Variants in CRACD observed in about 807,000 individuals in gnomAD.
CRACD encodes capping protein-inhibiting regulator of actin dynamics.
A neutral mutation model predicts 106.8 loss-of-function variants in CRACD; 56 were observed. The ratio of observed to expected loss-of-function variants is 0.52; its 90% CI spans 0.42 to 0.66. CRACD has a LOEUF of 0.66. Ranked by LOEUF, CRACD falls within the 30% of genes least tolerant of loss-of-function variation. CRACD has a pLI of 0.00. For missense variants in CRACD, 1,730 were observed against 1,623.2 expected (o/e 1.07, Z -1.13); for synonymous variants, 754 against 670.8 (o/e 1.12, Z -1.92).
chr4:56,293,576 T>C (rs1743820220), intron 3 of CRACD, among the ~76,000 whole-genome samples: 3 of 152,336 alleles, frequency 2.0e-5, no homozygotes, highest in South Asian at 2.1e-4. Context: ...GGAAGCATAG[T>C]GGCTTCCACT....
At chr4:56,252,487 T>G (rs1371410998) in intron 2 of CRACD, among the ~76,000 whole-genome samples, 1 of 152,212 alleles carries the variant, frequency 6.6e-6, no homozygotes, top group African/African-American at 2.4e-5. Flanking sequence ...AGAATTTCTG[T>G]GCTGTGCCAG....
At chr4:56,131,861 T>C (rs1449546944) in intron 1 of CRACD, among the ~76,000 whole-genome samples, 1 of 152,094 alleles carries the variant, frequency 6.6e-6, no homozygotes, top group African/African-American at 2.4e-5. Context: ...AAATAGTATA[T>C]ATAACAAATA....
chr4:56,102,700 C>T (rs1014898008), intron 1 of CRACD, among the ~76,000 whole-genome samples: 13 of 152,192 alleles, frequency 8.5e-5, no homozygotes, highest in Admixed American at 2.0e-4. Flanking sequence ...CTGGGTTTCC[C>T]GTTGCCTGTA....
At chr4:56,218,434 TCCCTTTCCA>T (rs1738837991) in intron 2 of CRACD, among the ~76,000 whole-genome samples, 2 of 86,636 alleles carry the variant, frequency 2.3e-5, no homozygotes, top group Non-Finnish European at 5.7e-5. Flanking sequence ...TCCCTTCCCC[TCCCTTTCCA>T]TCCCCTCCCT....
intron 1 of CRACD, among the ~76,000 whole-genome samples, chr4:56,135,343 C>T (rs1467684161): frequency 6.6e-6 from 1 of 152,182 alleles, no homozygotes; most frequent in East Asian, 1.9e-4. Flanking sequence ...CATGTGACAA[C>T]TCAAGCAGTT....
chr4:56,315,719 C>T lies in CRACD; in HGVS notation c.2217C>T (p.Ser739=), dbSNP rs534883625. 2.8e-5 allele frequency: 46 copies of T among 1,614,208 alleles called. No homozygotes were observed. In the East Asian group the frequency reaches 9.8e-4, roughly 34 times the overall value. ...SDGGTETSKQ[S]TEAESIRKRP... is the part of the protein sequence containing the mutation. ...GTGGCACGGAGACCTCCAAACAGAG[C>T]ACGGAAGCTGAAAGCATACGAAAAA... Residue 739 remains serine (S), a synonymous_variant, in exon 8 of 11, where the codon AGC becomes AGT. Coordinates refer to ENST00000682029, the MANE Select transcript of CRACD (RefSeq NM_001393381.1). The surrounding 1 kb of genome is among the most constrained non-coding windows in gnomAD (Gnocchi z 4.1).
chr4:56,324,404 A>C (rs1465582185), intron 10 of CRACD, 138 bp downstream of exon 10: 5 of 758,810 alleles, frequency 6.6e-6, no homozygotes, highest in Non-Finnish European at 1.0e-5. Context: ...CCTCATTCAT[A>C]AACGTTGACA....
At chr4:56,091,225 A>G (rs2084308100) in intron 1 of CRACD, among the ~76,000 whole-genome samples, 1 of 151,926 alleles carries the variant, frequency 6.6e-6, no homozygotes, top group South Asian at 2.1e-4. Flanking sequence ...TTTTATTTTT[A>G]GTAGAGACGA....
rs144662816 is a variant in CRACD, at chr4:56,153,050, G to A, written c.-335-26234G>A. Among the ~76,000 whole-genome samples, 591 of 152,178 alleles carry A rather than the reference G, an allele frequency of 3.9e-3. 1 individual carries two copies. Among genetic ancestry groups the A allele is most frequent in the Non-Finnish European group, 6.4e-3 (438 of 67,996 alleles). On this transcript the variant is annotated intron_variant, in intron 1 of 10. Transcript: ENST00000682029. ...TCCCAGCACTTTGGGAGGCTGAGGT[G>A]GGCGGATCACCTAAGGTCAGGAGTT...
rs779759747 is a variant in CRACD at position 56,315,443 on chromosome 4, G to A, written c.1941G>A (p.Ala647=). ...CCCGAGGCCCCGGCGACGCGAGGGC[G>A]GGCAGCGGGAAGGCTAAGCCCCGCC... ...NPPRGPGDAR[A]GSGKAKPRQE... Residue 647 remains alanine, a synonymous_variant, in exon 8 of 11, where the codon GCG becomes GCA. Coordinates refer to ENST00000682029, the MANE Select transcript of CRACD (RefSeq NM_001393381.1). The surrounding 1 kb of genome is among the most constrained non-coding windows in gnomAD (Gnocchi z 4.1). 6 of 1,612,828 alleles carry A rather than the reference G, an allele frequency of 3.7e-6. No homozygotes were observed. The highest frequency in any genetic ancestry group is 2.2e-5 in the South Asian group (2 of 91,066).
chr4:56,099,375 T>C (rs1577961527), intron 1 of CRACD, among the ~76,000 whole-genome samples: 1 of 152,192 alleles, frequency 6.6e-6, no homozygotes, highest in Non-Finnish European at 1.5e-5. Context: ...GGGACATGCT[T>C]TGATGATGTA....
intron 2 of CRACD, among the ~76,000 whole-genome samples, chr4:56,257,936 G>A (rs937128764): frequency 2.0e-5 from 3 of 152,024 alleles, no homozygotes; most frequent in Admixed American, 1.3e-4. Flanking sequence ...CGGGCATGGT[G>A]GCGCGTGCCT....
At chr4:56,181,422 A>G (rs1736815894) in intron 2 of CRACD, among the ~76,000 whole-genome samples, 2 of 152,190 alleles carry the variant, frequency 1.3e-5, no homozygotes, top group Admixed American at 6.5e-5. Context: ...CTTGGTTTAG[A>G]TGCATAAGAT....
At chr4:56,254,679 C>T (rs1000000888) in intron 2 of CRACD, among the ~76,000 whole-genome samples, 4 of 152,086 alleles carry the variant, frequency 2.6e-5, no homozygotes, top group African/African-American at 9.7e-5. Context: ...CTGATACTCA[C>T]ATAGTAAAAC....
Position 56,317,369 on chromosome 4 carries a change from C to T in CRACD, c.3187+680C>T, listed in dbSNP as rs899982944. Among the ~76,000 whole-genome samples the T allele has an allele frequency of 3.9e-5, 6 of 152,200 alleles. No individual in the cohort carries two copies. In the South Asian group the frequency reaches 1.0e-3, roughly 26 times the overall value. On this transcript the variant is annotated intron_variant, in intron 8 of 10. Transcript: ENST00000682029. ...ATTCATAGTAAGCCTTGTTACTTCT[C>T]ATTCTTTCAAATTTGGGAAATGCTG...
chr4:56,215,765 C>T (rs1738646594), intron 2 of CRACD, among the ~76,000 whole-genome samples: 1 of 152,214 alleles, frequency 6.6e-6, no homozygotes, highest in Non-Finnish European at 1.5e-5. Flanking sequence ...TTGTACCATT[C>T]TTCCGGTGGT....
At chr4:56,156,204 C>T (rs897956140) in intron 1 of CRACD, among the ~76,000 whole-genome samples, 4 of 152,200 alleles carry the variant, frequency 2.6e-5, no homozygotes, top group Non-Finnish European at 4.4e-5. Context: ...TCAAGTGATC[C>T]GCTTGCCTTG....
chr4:56,214,681 C>CTCTCTA, intron 2 of CRACD, among the ~76,000 whole-genome samples: 3,869 of 81,040 alleles, frequency 0.048, 232 homozygotes, highest in South Asian at 0.068. Flanking sequence ...CTCTCTCTCT[C>CTCTCTA]TATATATATA....
chr4:56,073,908 G>C (rs1420782165), intron 1 of CRACD, among the ~76,000 whole-genome samples: 17 of 152,090 alleles, frequency 1.1e-4, no homozygotes, highest in Admixed American at 1.1e-3. Flanking sequence ...TCCAGTTTCA[G>C]TTTTCTGCAT....
Sources: allele counts gnomAD v4.1 joint callset (sites outside exome capture counted in the v4.1 genomes callset), GRCh38; gene constraint gnomAD v4.1.1; non-coding constraint Gnocchi (gnomAD v3.1); transcripts MANE v1.5; gene names NCBI Gene and HGNC (gene_info 2026-07-23, HGNC 2026-07-21).